The following PATJ variants were observed in gnomAD, a reference collection of about 807,000 sequenced individuals.
PATJ encodes inaD-like protein.
A neutral mutation model predicts 224.9 loss-of-function variants in PATJ; 190 were observed. The ratio of observed to expected loss-of-function variants is 0.84; its 90% CI spans 0.75 to 0.95. The LOEUF is 0.95. PATJ is among the 40% of genes least tolerant of loss of function. PATJ has a pLI of 0.00. For synonymous variants in PATJ, 769 were observed against 820.3 expected (o/e 0.94, Z 1.07); for missense variants, 2,121 against 2,270.3 (o/e 0.93, Z 1.34).
intron 41 of PATJ, among the ~76,000 whole-genome samples, chr1:62,141,923 T>C (rs990508556): frequency 3.3e-5 from 5 of 152,118 alleles, no homozygotes; most frequent in African/African-American, 1.2e-4. Flanking sequence ...TGAGCCGAGA[T>C]TGTGCCATTG....
In PATJ at chr1:62,161,123, G is replaced by T. The variant is rs1669800607; in HGVS notation, c.*69G>T. On this transcript the variant is annotated 3_prime_UTR_variant, in exon 44 of 44. Coordinates refer to ENST00000642238, the MANE Select transcript of PATJ (RefSeq NM_001350145.3). The stretch of plus-strand genomic sequence containing the variant: ...CCACAGGCAGATGAAGTTCTGAGTG[G>T]GTATGAAAAGCACCCTCAACTAAAA... 2.4e-6 allele frequency: 3 copies of T among 1,250,138 alleles called. No individual in the cohort carries two copies. Among genetic ancestry groups the T allele is most frequent in the Non-Finnish European group, 1.0e-6 (1 of 971,022 alleles). The allele number at this position is 1,250,138 out of a possible 1,614,324, so 77.4% of individuals were successfully genotyped here. A position where few individuals can be genotyped will look rare whatever the true frequency, so the allele number is the denominator to read the frequency against.
intron 1 of PATJ, among the ~76,000 whole-genome samples, chr1:61,750,537 G>A (rs1318757630): frequency 6.6e-6 from 1 of 151,598 alleles, no homozygotes; most frequent in South Asian, 2.1e-4. Context: ...CCGGGTTCGG[G>A]TGATTCTCCT....
chr1:61,795,498 A>G lies in PATJ; in HGVS notation c.1200A>G (p.Ile400Met). The change falls in exon 10 of 44, where the codon ATA becomes ATG. Residue 400 changes from isoleucine to methionine, a missense_variant. Physicochemically the swap from Ile to Met is conservative, Grantham distance 10. Transcript: ENST00000642238. Reference sequence around the variant, plus strand: ...CTTCAGGGATTTATGTGAAAAGTATAATACCTGGCAGTGCTGCGTACCACA... The same window carrying G: ...CTTCAGGGATTTATGTGAAAAGTATGATACCTGGCAGTGCTGCGTACCACA... ...GEASGIYVKS[I>M]IPGSAAYHNG... The G allele has an allele frequency of 6.2e-7, 1 of 1,608,724 alleles. No individual in the cohort carries two copies.
chr1:61,746,507 T>C (rs992947129), intron 1 of PATJ, among the ~76,000 whole-genome samples: 2 of 152,178 alleles, frequency 1.3e-5, no homozygotes, highest in African/African-American at 4.8e-5. Flanking sequence ...GGACTGCTTC[T>C]GAGACTTAAA....
At chr1:61,959,897 C>T (rs1435254094) in intron 27 of PATJ, among the ~76,000 whole-genome samples, 2 of 152,088 alleles carry the variant, frequency 1.3e-5, no homozygotes, top group Non-Finnish European at 2.9e-5. Flanking sequence ...GTGGCATGCA[C>T]CTGTAGTCCC....
intron 28 of PATJ, among the ~76,000 whole-genome samples, chr1:62,003,824 C>G (rs1009144043): frequency 1.1e-4 from 17 of 152,218 alleles, no homozygotes; most frequent in Non-Finnish European, 2.2e-4. Context: ...TGGGCATCTT[C>G]TTCATGGGGG....
chr1:61,998,012 A>G lies in PATJ; in HGVS notation c.3867+7648A>G, dbSNP rs1389568227. On this transcript the variant is annotated intron_variant, in intron 28 of 43. Transcript: ENST00000642238. ...TATGTATATATAATATATTATATAT[A>G]TTAATTATATATAATATATTATATA... Among the ~76,000 whole-genome samples the G allele has an allele frequency of 6.8e-4, 79 of 115,722 alleles. 1 individual carries two copies. Among genetic ancestry groups the G allele is most frequent in the Non-Finnish European group, 1.3e-3 (73 of 57,526 alleles). The allele number at this position is 115,722 out of a possible 152,430, so 75.9% of individuals were successfully genotyped here. A position where few individuals can be genotyped will look rare whatever the true frequency, so the allele number is the denominator to read the frequency against.
chr1:61,901,518 C>A, intron 24 of PATJ, 59 bp downstream of exon 24: 1 of 1,262,396 alleles, frequency 7.9e-7, no homozygotes, highest in South Asian at 1.4e-5. Flanking sequence ...GTGAAATAAT[C>A]ATTTAGCTAG....
Position 61,787,774 on chromosome 1 carries a change from G to A in PATJ, c.870G>A (p.Gly290=), listed in dbSNP as rs532489337. The A allele has an allele frequency of 1.8e-4, 294 of 1,613,878 alleles. 1 individual carries two copies. In the South Asian group the frequency reaches 3.1e-3, roughly 17 times the overall value. Reference sequence around the variant, plus strand: ...TGAAGGATGGAAGACTCCAGACAGGGGACCACATCTTGAAGATTGGTGGCA... The same window carrying A: ...TGAAGGATGGAAGACTCCAGACAGGAGACCACATCTTGAAGATTGGTGGCA... The part of the protein sequence containing the change: ...LADRDGRLQT[G]DHILKIGGTN... Residue 290 remains glycine, a synonymous_variant, in exon 8 of 44, where the codon GGG becomes GGA. Coordinates refer to ENST00000642238, the MANE Select transcript of PATJ (RefSeq NM_001350145.3).
intron 29 of PATJ, among the ~76,000 whole-genome samples, chr1:62,020,965 A>G (rs1647044807): frequency 6.6e-6 from 1 of 151,992 alleles, no homozygotes; most frequent in African/African-American, 2.4e-5. Flanking sequence ...AGCTGGGACT[A>G]CAGGTGTGTA....
At chr1:61,963,954 TA>T (rs1681697044) in intron 27 of PATJ, among the ~76,000 whole-genome samples, 1 of 152,226 alleles carries the variant, frequency 6.6e-6, no homozygotes, top group African/African-American at 2.4e-5. Flanking sequence ...GGAACTATTT[TA>T]AAAGCTTTAG....
intron 31 of PATJ, among the ~76,000 whole-genome samples, chr1:62,070,704 G>T (rs1657237439): frequency 6.6e-6 from 1 of 152,132 alleles, no homozygotes; most frequent in Non-Finnish European, 1.5e-5. Flanking sequence ...AAGGGCAGGG[G>T]AGCAGTCCTA....
At chr1:61,969,113 T>G (rs1050724431) in intron 27 of PATJ, among the ~76,000 whole-genome samples, 1 of 152,222 alleles carries the variant, frequency 6.6e-6, no homozygotes, top group Admixed American at 6.5e-5. Context: ...CACTTTGTGT[T>G]TTTTTCTATT....
chr1:62,091,321 T>G (rs1476604707), intron 33 of PATJ, among the ~76,000 whole-genome samples: 1 of 152,216 alleles, frequency 6.6e-6, no homozygotes, highest in Non-Finnish European at 1.5e-5. Flanking sequence ...TTTTAGATAT[T>G]TAACTGTGGG....
At chr1:61,961,787 G>A (rs1182612749) in intron 27 of PATJ, among the ~76,000 whole-genome samples, 2 of 151,872 alleles carry the variant, frequency 1.3e-5, no homozygotes, top group Non-Finnish European at 2.9e-5. Flanking sequence ...TGACCAACAT[G>A]GCGAAACCCC....
chr1:62,156,054 T>TAAAAAAAA lies in PATJ; in HGVS notation c.5502+2592_5502+2599dup, dbSNP rs34300724. The stretch of plus-strand genomic sequence containing the variant: ...GCCTGGGTGACAGAGCAAGACTCTG[T>TAAAAAAAA]AAAAAAAAAAAAAAAAAAAAAAAAA... On this transcript the variant is annotated intron_variant, in intron 43 of 43. Coordinates refer to ENST00000642238, the MANE Select transcript of PATJ (RefSeq NM_001350145.3). Among the ~76,000 whole-genome samples the TAAAAAAAA allele has an allele frequency of 7.7e-4, 33 of 43,062 alleles. 2 individuals carry two copies. In the East Asian group the frequency reaches 0.03, roughly 40 times the overall value. The allele number at this position is 43,062 out of a possible 152,430, so 28.3% of individuals were successfully genotyped here.
At chr1:61,913,590 T>C (rs1673008559) in intron 25 of PATJ, among the ~76,000 whole-genome samples, 1 of 152,246 alleles carries the variant, frequency 6.6e-6, no homozygotes, top group South Asian at 2.1e-4. Flanking sequence ...AGCTTCTTTT[T>C]ATAAAATTAA....
chr1:61,777,703 C>CTTTCTTTTTTTTTTTTTT (rs1415203243), intron 7 of PATJ, among the ~76,000 whole-genome samples: 2 of 48,742 alleles, frequency 4.1e-5, no homozygotes, highest in Admixed American at 3.6e-4. Flanking sequence ...TTCTTTCTTT[C>CTTTCTTTTTTTTTTTTTT]TTTTTTTTTT....
intron 21 of PATJ, among the ~76,000 whole-genome samples, chr1:61,881,713 G>T (rs966650458): frequency 6.6e-6 from 1 of 151,962 alleles, no homozygotes; most frequent in Non-Finnish European, 1.5e-5. Flanking sequence ...CACCCAGCCC[G>T]CTCTTTAGGC....
Sources: allele counts gnomAD v4.1 joint callset (sites outside exome capture counted in the v4.1 genomes callset), GRCh38; gene constraint gnomAD v4.1.1; transcripts MANE v1.5; gene names NCBI Gene and HGNC (gene_info 2026-07-23, HGNC 2026-07-21).